Variants in GLRA2 observed in about 807,000 individuals in gnomAD.
GLRA2 encodes glycine receptor alpha 2, also known as glycine receptor subunit alpha-2.
In GLRA2, 11 loss-of-function variants were observed where a neutral mutation model predicts 31.6. The observed-to-expected ratio is 0.35, with a 90% CI of 0.22 to 0.58. GLRA2 has a LOEUF of 0.58. Ranked by LOEUF, GLRA2 falls within the 20% of genes least tolerant of loss-of-function variation. The pLI, the probability that GLRA2 is intolerant of heterozygous loss-of-function variation, is 0.84. For missense variants in GLRA2, 212 were observed against 351.8 expected (o/e 0.60, Z 3.18); for synonymous variants, 132 against 134.0 (o/e 0.99, Z 0.10).
chrX:14,496,923 C>T, the GLRA2 span, among the ~76,000 whole-genome samples: 2 of 111,417 alleles, frequency 1.8e-5, no homozygotes, highest in East Asian at 2.8e-4. Context: ...CTAGGTGGTT[C>T]AAAATACCAG....
At chrX:14,725,999 A>G (rs750300927) in intron 8 of GLRA2, among the ~76,000 whole-genome samples, 1 of 112,485 alleles carries the variant, frequency 8.9e-6, no homozygotes, top group East Asian at 2.8e-4. Context: ...CTCAGTTACT[A>G]AAGATGGAAG....
intron 2 of GLRA2, among the ~76,000 whole-genome samples, chrX:14,546,286 G>A (rs1017287298): frequency 1.8e-5 from 2 of 111,084 alleles, no homozygotes; most frequent in African/African-American, 6.5e-5. Flanking sequence ...TTTCCCCCAA[G>A]TTTCTGACTC....
chrX:14,531,833 T>G (rs1370981770), intron 1 of GLRA2, among the ~76,000 whole-genome samples: 1 of 111,412 alleles, frequency 9.0e-6, no homozygotes, highest in Non-Finnish European at 1.9e-5. Context: ...ATGACTTATA[T>G]TTAGGGCCGA....
intron 4 of GLRA2, among the ~76,000 whole-genome samples, chrX:14,588,371 T>C (rs1194385829): frequency 3.6e-5 from 4 of 111,736 alleles, no homozygotes; most frequent in Non-Finnish European, 7.5e-5. Context: ...CCCCAGCTTG[T>C]TTTGTCAAAG....
At chrX:14,717,988 C>T (rs1019391575) in intron 8 of GLRA2, among the ~76,000 whole-genome samples, 4 of 110,814 alleles carry the variant, frequency 3.6e-5, no homozygotes, top group African/African-American at 9.8e-5. Flanking sequence ...TCGTCGGGTA[C>T]GACATTGGTT....
At chrX:14,561,549 T>C (rs1244352880) in intron 2 of GLRA2, among the ~76,000 whole-genome samples, 1 of 112,607 alleles carries the variant, frequency 8.9e-6, no homozygotes, top group East Asian at 2.8e-4. Flanking sequence ...CCACAAAGGC[T>C]AAACTATTTA....
At chrX:14,697,889 G>C (rs1392000089) in intron 8 of GLRA2, among the ~76,000 whole-genome samples, 1 of 111,713 alleles carries the variant, frequency 9.0e-6, no homozygotes, top group Non-Finnish European at 1.9e-5. Flanking sequence ...TTTTAACTAC[G>C]TTTTATTGTT....
At chrX:14,490,462 A>T in the GLRA2 span, among the ~76,000 whole-genome samples, 1 of 112,243 alleles carries the variant, frequency 8.9e-6, no homozygotes, top group Admixed American at 9.5e-5. Flanking sequence ...AAAATAGTAC[A>T]ATCTGATATG....
At chrX:14,573,812 G>A (rs1193377939) in intron 2 of GLRA2, among the ~76,000 whole-genome samples, 1 of 110,227 alleles carries the variant, frequency 9.1e-6, no homozygotes, top group African/African-American at 3.3e-5. Flanking sequence ...TCTCATTGGT[G>A]GTCAGAGGAT....
At chrX:14,459,901 A>G in the GLRA2 span, among the ~76,000 whole-genome samples, 3 of 112,086 alleles carry the variant, frequency 2.7e-5, no homozygotes, top group South Asian at 3.7e-4. Context: ...AGAACGTCCA[A>G]TACTGTGTTG....
At chrX:14,561,075 C>T (rs925256759) in intron 2 of GLRA2, among the ~76,000 whole-genome samples, 17 of 111,646 alleles carry the variant, frequency 1.5e-4, no homozygotes, top group African/African-American at 5.5e-4. Context: ...TCTGGCTTAG[C>T]CCTGTTTCAC....
intron 4 of GLRA2, among the ~76,000 whole-genome samples, chrX:14,592,136 G>A (rs894634535): frequency 4.5e-5 from 5 of 111,260 alleles, no homozygotes; most frequent in Admixed American, 1.9e-4. Context: ...TCAAAATAAC[G>A]TCCCTCTCCT....
At chrX:14,685,981 A>G (rs1180151619) in intron 7 of GLRA2, among the ~76,000 whole-genome samples, 41 of 111,633 alleles carry the variant, frequency 3.7e-4, no homozygotes, top group Non-Finnish European at 6.8e-4. Context: ...ACACTGCTTT[A>G]AATGTGTCCC....
chrX:14,534,180 A>T (rs1290522247), intron 2 of GLRA2, among the ~76,000 whole-genome samples: 1 of 106,723 alleles, frequency 9.4e-6, no homozygotes, highest in African/African-American at 3.4e-5. Context: ...TAAATAAATG[A>T]GGAGAATGTC....
Position 14,581,180 on chromosome X carries a change from T to C in GLRA2, c.271-3T>C. ...GTAACACTTGTCCACGGCATTTCTG[T>C]AGGACTACCGAGTGAATATTTTTCT... On this transcript the variant is annotated splice_region_variant and splice_polypyrimidine_tract_variant and intron_variant, in intron 3 of 8. Coordinates refer to ENST00000218075, the MANE Select transcript of GLRA2 (RefSeq NM_002063.4). The C allele has an allele frequency of 1.8e-6, 2 of 1,106,555 alleles. No homozygotes were observed. Among genetic ancestry groups the C allele is most frequent in the Non-Finnish European group, 2.5e-6 (2 of 799,552 alleles). 91.2% of individuals were successfully genotyped at this position (1,106,555 alleles called of 1,213,427 possible).
chrX:14,665,332 A>G (rs927886198), intron 7 of GLRA2, among the ~76,000 whole-genome samples: 1 of 111,987 alleles, frequency 8.9e-6, no homozygotes, highest in Non-Finnish European at 1.9e-5. Context: ...AATGCATGGA[A>G]TCAGCATAGT....
intron 2 of GLRA2, among the ~76,000 whole-genome samples, chrX:14,574,031 T>TA (rs754773819): frequency 4.3e-4 from 48 of 111,094 alleles, no homozygotes; most frequent in Non-Finnish European, 7.0e-4. Context: ...AGGTCAAAAA[T>TA]AAAAAAGCCA....
At chrX:14,729,595 AAATTAAATTATTAATGAATATTT>A (rs2091967614) in intron 8 of GLRA2, among the ~76,000 whole-genome samples, 2 of 112,062 alleles carry the variant, frequency 1.8e-5, no homozygotes, top group Admixed American at 9.5e-5. Flanking sequence ...AACACTGGAA[AAATTAAATTATTAATGAATATTT>A]AATCTCTGCT....
chrX:14,553,921 TCTTA>T (rs1203295975), intron 2 of GLRA2, among the ~76,000 whole-genome samples: 1 of 112,048 alleles, frequency 8.9e-6, no homozygotes, highest in African/African-American at 3.2e-5. Context: ...GCCTAACCTG[TCTTA>T]CTTCCCGACG....
Sources: allele counts gnomAD v4.1 joint callset (sites outside exome capture counted in the v4.1 genomes callset), GRCh38; gene constraint gnomAD v4.1.1; transcripts MANE v1.5; gene names NCBI Gene and HGNC (gene_info 2026-07-23, HGNC 2026-07-21).